KCNJ4: variants seen among roughly 807,000 people sequenced by gnomAD.
The protein encoded by KCNJ4 is inward rectifier potassium channel 4.
Under a neutral mutation model 25.6 loss-of-function variants are expected in KCNJ4, and 3 were observed. The observed-to-expected ratio is 0.12, with a 90% CI of 0.05 to 0.30. The LOEUF is 0.30. Ranked by LOEUF, KCNJ4 falls within the 10% of genes least tolerant of loss-of-function variation. The probability of loss-of-function intolerance (pLI) is 1.00; values close to 1 mark genes in which losing one functional copy is unlikely to be tolerated. For synonymous variants in KCNJ4, 257 were observed against 283.9 expected (o/e 0.91, Z 0.95); for missense variants, 286 against 666.8 (o/e 0.43, Z 6.29).
intron 1 of KCNJ4, among the ~76,000 whole-genome samples, chr22:38,439,181 C>T (rs2089314393): frequency 6.6e-6 from 1 of 152,088 alleles, no homozygotes. Flanking sequence ...GAGGTGCAAT[C>T]CCAGCACTTT....
intron 1 of KCNJ4, among the ~76,000 whole-genome samples, chr22:38,432,593 A>T (rs2093053577): frequency 6.6e-6 from 1 of 152,130 alleles, no homozygotes; most frequent in African/African-American, 2.4e-5. Context: ...CTTGACATAG[A>T]ACCAGAGGGA....
At chr22:38,432,907 G>A (rs1341727922) in intron 1 of KCNJ4, among the ~76,000 whole-genome samples, 1 of 151,436 alleles carries the variant, frequency 6.6e-6, no homozygotes, top group East Asian at 1.9e-4. Context: ...GCAGGCAGAG[G>A]TTGCAGTCAG....
At chr22:38,437,775 G>A (rs74277676) in intron 1 of KCNJ4, among the ~76,000 whole-genome samples, 3,677 of 152,264 alleles carry the variant, frequency 0.024, 98 homozygotes, top group East Asian at 0.12. Context: ...AGTCTGTCCG[G>A]AGAACTGTAT....
At chr22:38,437,079 A>C (rs1371619722) in intron 1 of KCNJ4, among the ~76,000 whole-genome samples, 2 of 152,204 alleles carry the variant, frequency 1.3e-5, no homozygotes, top group African/African-American at 4.8e-5. Flanking sequence ...AACGCTGGAG[A>C]CCAAGCTTTG....
At chr22:38,445,171 G>A (rs1020141257) in intron 1 of KCNJ4, among the ~76,000 whole-genome samples, 16 of 152,054 alleles carry the variant, frequency 1.1e-4, no homozygotes, top group Admixed American at 2.0e-4. Flanking sequence ...TGGGCTGAGC[G>A]GAAAGCAGGG....
chr22:38,433,646 C>A (rs534472229), intron 1 of KCNJ4, among the ~76,000 whole-genome samples: 2 of 152,260 alleles, frequency 1.3e-5, no homozygotes, highest in East Asian at 3.9e-4. Context: ...CTGTAAACAT[C>A]CAAAATCTGC....
rs1356219753 is a variant in KCNJ4 at position 38,444,519 on chromosome 22, C to T, written c.-40+10461G>A. 2.0e-5 allele frequency among the ~76,000 whole-genome samples: 3 copies of T among 152,316 alleles called. No homozygotes were observed. In the East Asian group the frequency reaches 5.8e-4, roughly 29 times the overall value. On this transcript the variant is annotated intron_variant, in intron 1 of 1. Coordinates refer to ENST00000303592, the MANE Select transcript of KCNJ4 (RefSeq NM_152868.3). The stretch of plus-strand genomic sequence containing the variant: ...TGCCTCACCCTCCACGGAGCATGGG[C>T]TTCTCTTCCCAGGTGTCCCCCAGGT...
In KCNJ4 at chr22:38,427,801, G is replaced by A. The variant is rs139640116; in HGVS notation, c.332C>T (p.Pro111Leu). ...AGGGGAAPVAPKPCIMHVNGF... is the reference protein window; with the variant it reads ...AGGGGAAPVALKPCIMHVNGF... ...GTTCACGTGCATGATGCAGGGCTTG[G>A]GGGCCACCGGGGCTGCTCCGCCACC... The change falls in exon 2 of 2, where the codon CCC becomes CTC. Residue 111 changes from proline (P) to leucine (L), a missense_variant. By Grantham distance (98) the Pro-to-Leu change is moderately conservative. This residue lies in a region of KCNJ4 where 29 missense variants were observed against 107.7 expected (regional missense o/e 0.27). Coordinates refer to ENST00000303592, the MANE Select transcript of KCNJ4 (RefSeq NM_152868.3). The A allele has an allele frequency of 2.5e-6, 4 of 1,608,962 alleles. No individual in the cohort carries two copies. Among genetic ancestry groups the A allele is most frequent in the Non-Finnish European group, 3.4e-6 (4 of 1,177,804 alleles).
intron 1 of KCNJ4, among the ~76,000 whole-genome samples, chr22:38,446,404 C>G (rs1250795207): frequency 6.6e-6 from 1 of 152,176 alleles, no homozygotes; most frequent in African/African-American, 2.4e-5. Context: ...GGCTCAGGAT[C>G]TGAAGCCTCA....
rs148139798 is a variant in KCNJ4, at chr22:38,430,497, C to T, written c.-39-2326G>A. 1.1e-3 allele frequency among the ~76,000 whole-genome samples: 174 copies of T among 151,962 alleles called. 1 individual carries two copies. Among genetic ancestry groups the T allele is most frequent in the African/African-American group, 4.1e-3 (171 of 41,474 alleles). ...CAGCCTGGGCAACAAAGTGAGACTT[C>T]GTCTCGAAAAAAAAAGAAAATGAGA... is the stretch of plus-strand genomic sequence containing the variant. On this transcript the variant is annotated intron_variant, in intron 1 of 1. Transcript: ENST00000303592.
chr22:38,451,567 C>T (rs2089410495), intron 1 of KCNJ4, among the ~76,000 whole-genome samples: 1 of 152,188 alleles, frequency 6.6e-6, no homozygotes, highest in South Asian at 2.1e-4. Flanking sequence ...GAATTCAGAG[C>T]TGGGCCCTCA....
intron 1 of KCNJ4, among the ~76,000 whole-genome samples, chr22:38,428,523 C>T (rs754176739): frequency 1.1e-4 from 16 of 152,116 alleles, no homozygotes; most frequent in Non-Finnish European, 2.2e-4. Flanking sequence ...TCCCTCTGTC[C>T]TGCTTGCCCT....
intron 1 of KCNJ4, among the ~76,000 whole-genome samples, chr22:38,445,567 C>T (rs1168897663): frequency 1.3e-5 from 2 of 152,138 alleles, no homozygotes; most frequent in African/African-American, 2.4e-5. Context: ...CAATTGCAAC[C>T]TCCTGGGTTC....
chr22:38,430,295 G>A (rs1263726031), intron 1 of KCNJ4, among the ~76,000 whole-genome samples: 1 of 152,210 alleles, frequency 6.6e-6, no homozygotes, highest in African/African-American at 2.4e-5. Flanking sequence ...CTGAGGTTGG[G>A]AGTTTGAGAC....
intron 1 of KCNJ4, among the ~76,000 whole-genome samples, chr22:38,447,159 T>C (rs1031029785): frequency 1.1e-4 from 16 of 150,292 alleles, no homozygotes; most frequent in African/African-American, 3.9e-4. Context: ...GAGGGGGAGG[T>C]GGGCCACTCC....
intron 1 of KCNJ4, among the ~76,000 whole-genome samples, chr22:38,451,520 G>C (rs984174928): frequency 2.6e-5 from 4 of 152,192 alleles, no homozygotes; most frequent in African/African-American, 9.7e-5. Flanking sequence ...GTGGGGTGAG[G>C]GGATCTGGAG....
intron 1 of KCNJ4, among the ~76,000 whole-genome samples, chr22:38,454,457 T>C (rs2089426912): frequency 6.6e-6 from 1 of 152,164 alleles, no homozygotes; most frequent in Non-Finnish European, 1.5e-5. Flanking sequence ...TGTCTATCAC[T>C]GTGAACGTGC....
At position 38,443,771 on chromosome 22, in the gene KCNJ4, GTC is replaced by G. The variant is rs893935271; in HGVS notation, c.-40+11207_-40+11208del. On this transcript the variant is annotated intron_variant, in intron 1 of 1. Coordinates refer to ENST00000303592, the MANE Select transcript of KCNJ4 (RefSeq NM_152868.3). The surrounding 1 kb of genome is among the most constrained non-coding windows in gnomAD (Gnocchi z 4.1). ...AGCCACATCACTATTGCAGCCCACAGTCTCTGCCCACCACCTCCTCCCACAGC... is the reference window on the plus strand; with the variant it reads ...AGCCACATCACTATTGCAGCCCACAGTCTGCCCACCACCTCCTCCCACAGC... Among the ~76,000 whole-genome samples the G allele has an allele frequency of 1.3e-5, 2 of 152,018 alleles. No homozygotes were observed. Among genetic ancestry groups the G allele is most frequent in the Non-Finnish European group, 2.9e-5 (2 of 67,992 alleles).
Position 38,427,975 on chromosome 22 carries a change from G to A in KCNJ4, c.158C>T (p.Thr53Met). ...MADIFTTCVD[T>M]RWRYMLMIFS... ...GATCATGAGCATGTAGCGCCAGCGC[G>A]TGTCCACGCAGGTGGTGAAGATGTC... The change falls in exon 2 of 2, where the codon ACG becomes ATG. Residue 53 changes from threonine (T) to methionine (M), a missense_variant. Thr to Met is a moderately conservative substitution (Grantham distance 81). Transcript: ENST00000303592. 1 of 1,614,190 alleles carries A rather than the reference G, an allele frequency of 6.2e-7. No individual in the cohort carries two copies. The highest frequency in any genetic ancestry group is 8.5e-7 in the Non-Finnish European group (1 of 1,180,010).
Sources: gnomAD v4.1 joint callset for allele counts (sites outside exome capture counted in the v4.1 genomes callset) on GRCh38, gnomAD v4.1.1 for gene constraint, gnomAD v4.1.1 regional missense constraint, Gnocchi (gnomAD v3.1) non-coding constraint, MANE v1.5 for transcripts, NCBI Gene and HGNC (gene_info 2026-07-23, HGNC 2026-07-21) for gene names.